HTR1F: variants seen among roughly 807,000 people sequenced by gnomAD.
The protein encoded by HTR1F is 5-hydroxytryptamine (serotonin) receptor 1F, G protein-coupled.
HTR1F carries 17 observed loss-of-function variants against 24.0 expected under a neutral mutation model. The observed-to-expected ratio is 0.71, with a 90% CI of 0.48 to 1.06. The LOEUF is 1.06. Ranked by LOEUF, HTR1F falls within the 50% of genes least tolerant of loss-of-function variation. The probability of loss-of-function intolerance (pLI) is 0.00; values close to 1 mark genes in which losing one functional copy is unlikely to be tolerated. For missense variants in HTR1F, 391 were observed against 427.8 expected (o/e 0.91, Z 0.76); for synonymous variants, 186 against 156.8 (o/e 1.19, Z -1.39).
At chr3:87,823,408 A>G (rs553213199) in intron 2 of HTR1F, among the ~76,000 whole-genome samples, 1 of 152,074 alleles carries the variant, frequency 6.6e-6, no homozygotes, top group East Asian at 1.9e-4. Context: ...TTCGTAGTTC[A>G]TCTTCCTTTT....
chr3:87,927,206 A>T (rs1292546109), intron 2 of HTR1F, among the ~76,000 whole-genome samples: 1 of 152,160 alleles, frequency 6.6e-6, no homozygotes. Flanking sequence ...TGTAGTTACA[A>T]TAAGTGCCTG....
At chr3:87,901,900 AC>A (rs1189033870) in intron 2 of HTR1F, among the ~76,000 whole-genome samples, 2 of 152,106 alleles carry the variant, frequency 1.3e-5, no homozygotes, top group Non-Finnish European at 2.9e-5. Flanking sequence ...GATCAGCACG[AC>A]CTCTACAAAA....
chr3:87,981,899 G>A (rs1035329788), intron 2 of HTR1F, among the ~76,000 whole-genome samples: 18 of 151,828 alleles, frequency 1.2e-4, no homozygotes, highest in African/African-American at 2.9e-4. Flanking sequence ...TGAGGTGTGC[G>A]TATATGTAAA....
rs77306425 is a variant in HTR1F at position 87,868,825 on chromosome 3, G to T, written c.-43+46701G>T. Among the ~76,000 whole-genome samples, 81 of 151,952 alleles carry T rather than the reference G, an allele frequency of 5.3e-4. 1 individual carries two copies. The East Asian group carries it at 0.014, about 26-fold the overall frequency. On this transcript the variant is annotated intron_variant, in intron 2 of 2. Coordinates refer to ENST00000319595, the MANE Select transcript of HTR1F (RefSeq NM_001322209.2). The stretch of plus-strand genomic sequence containing the variant: ...CATGAAGTTAGCTTAATTGCACTGG[G>T]TATCAATGTACATTTACTTACAACA...
At chr3:87,853,150 A>G (rs1238995246) in intron 2 of HTR1F, among the ~76,000 whole-genome samples, 4 of 151,738 alleles carry the variant, frequency 2.6e-5, no homozygotes, top group Admixed American at 2.0e-4. Context: ...TGTTGTACAG[A>G]TTATTTTGTC....
chr3:87,918,534 T>C (rs1454848126), intron 2 of HTR1F, among the ~76,000 whole-genome samples: 1 of 152,036 alleles, frequency 6.6e-6, no homozygotes, highest in Non-Finnish European at 1.5e-5. Context: ...AGTTTCCAGA[T>C]ACAAAATTAG....
intron 2 of HTR1F, among the ~76,000 whole-genome samples, chr3:87,881,376 G>A (rs541884107): frequency 2.6e-4 from 39 of 152,258 alleles, no homozygotes; most frequent in African/African-American, 5.3e-4. Context: ...CCTGGCTGGC[G>A]GAGGGAGTCT....
In HTR1F at chr3:87,866,591, G is replaced by A. The variant is rs577205093; in HGVS notation, c.-43+44467G>A. Reference sequence around the variant, plus strand: ...ACTTCAGAAAACAAGCAGTTTGCTAGTTTGATTACACTTTCCACTATATTG... The same window carrying A: ...ACTTCAGAAAACAAGCAGTTTGCTAATTTGATTACACTTTCCACTATATTG... On this transcript the variant is annotated intron_variant, in intron 2 of 2. Transcript: ENST00000319595. Among the ~76,000 whole-genome samples the A allele has an allele frequency of 7.4e-5, 11 of 149,036 alleles. No homozygotes were observed. The South Asian group carries it at 1.1e-3, about 14-fold the overall frequency.
At chr3:87,913,069 A>G (rs1485308652) in intron 2 of HTR1F, among the ~76,000 whole-genome samples, 1 of 152,166 alleles carries the variant, frequency 6.6e-6, no homozygotes. Context: ...AACTGCAACA[A>G]AAGCAAAAAT....
intron 1 of HTR1F, among the ~76,000 whole-genome samples, chr3:87,813,344 T>C (rs1313960164): frequency 3.9e-5 from 6 of 152,224 alleles, no homozygotes; most frequent in African/African-American, 1.4e-4. Context: ...ATGGGGCCTG[T>C]AGGCCCTTTG....
intron 2 of HTR1F, among the ~76,000 whole-genome samples, chr3:87,944,514 C>T (rs1290690805): frequency 2.0e-5 from 3 of 152,196 alleles, no homozygotes; most frequent in Admixed American, 2.0e-4. Context: ...ATCTATCGTC[C>T]TGTCCTGAAG....
At chr3:87,859,243 A>T (rs771043794) in intron 2 of HTR1F, among the ~76,000 whole-genome samples, 3 of 152,228 alleles carry the variant, frequency 2.0e-5, no homozygotes, top group African/African-American at 4.8e-5. Context: ...GTTTTGGCAC[A>T]GGAATTTATT....
Position 87,839,169 on chromosome 3 carries a change from T to G in HTR1F, c.-43+17045T>G, listed in dbSNP as rs79752576. Among the ~76,000 whole-genome samples, 882 of 152,104 alleles carry G rather than the reference T, an allele frequency of 5.8e-3. 5 individuals carry two copies. Among genetic ancestry groups the G allele is most frequent in the African/African-American group, 0.02 (844 of 41,502 alleles). On this transcript the variant is annotated intron_variant, in intron 2 of 2. Transcript: ENST00000319595. ...AATGTCATGGAGCTTTTCTGTATGTTTTTTATGTTTTTTTCCAATAGTTTT... is the reference window on the plus strand; with the variant it reads ...AATGTCATGGAGCTTTTCTGTATGTGTTTTATGTTTTTTTCCAATAGTTTT...
At chr3:87,964,533 C>T (rs1345868081) in intron 2 of HTR1F, among the ~76,000 whole-genome samples, 2 of 152,148 alleles carry the variant, frequency 1.3e-5, no homozygotes, top group Admixed American at 1.3e-4. Flanking sequence ...CCAATCCAAA[C>T]CCTCTTCTCA....
At chr3:87,816,032 T>A (rs1369717371) in intron 1 of HTR1F, among the ~76,000 whole-genome samples, 2 of 152,082 alleles carry the variant, frequency 1.3e-5, no homozygotes, top group Non-Finnish European at 2.9e-5. Flanking sequence ...TGCAGAGAAG[T>A]GAACCTTGAG....
chr3:87,937,564 G>A (rs2107428333), intron 2 of HTR1F, among the ~76,000 whole-genome samples: 2 of 152,266 alleles, frequency 1.3e-5, no homozygotes, highest in South Asian at 4.1e-4. Flanking sequence ...ACAAGACAAA[G>A]ATGACCTCTC....
intron 2 of HTR1F, among the ~76,000 whole-genome samples, chr3:87,946,509 A>C (rs1333640594): frequency 6.7e-6 from 1 of 149,794 alleles, no homozygotes; most frequent in Admixed American, 6.7e-5. Flanking sequence ...AAATTTTTCT[A>C]ACTTTTCTAA....
intron 2 of HTR1F, among the ~76,000 whole-genome samples, chr3:87,912,094 G>A (rs1199911399): frequency 2.0e-5 from 3 of 151,912 alleles, no homozygotes; most frequent in Non-Finnish European, 4.4e-5. Context: ...AGAATAAAAG[G>A]CATCCAAATA....
chr3:87,863,479 C>G (rs1178726965), intron 2 of HTR1F, among the ~76,000 whole-genome samples: 1 of 152,186 alleles, frequency 6.6e-6, no homozygotes, highest in Non-Finnish European at 1.5e-5. Context: ...ACATTAATTA[C>G]TTACAAATTC....
Sources: gnomAD v4.1 joint callset for allele counts (sites outside exome capture counted in the v4.1 genomes callset) on GRCh38, gnomAD v4.1.1 for gene constraint, MANE v1.5 for transcripts, NCBI Gene and HGNC (gene_info 2026-07-23, HGNC 2026-07-21) for gene names.